The following RNF17 variants were observed in gnomAD, a reference collection of about 807,000 sequenced individuals.
RNF17 encodes ring finger protein 17.
RNF17 carries 31 observed loss-of-function variants against 200.5 expected under a neutral mutation model. The ratio of observed to expected loss-of-function variants is 0.15; its 90% CI spans 0.12 to 0.21. The LOEUF is 0.21. Ranked by LOEUF, RNF17 falls within the 10% of genes least tolerant of loss-of-function variation. The pLI is 1.00. For missense variants in RNF17, 1,628 were observed against 1,905.1 expected (o/e 0.85, Z 2.71); for synonymous variants, 606 against 637.8 (o/e 0.95, Z 0.75).
chr13:24,881,392 T>C (rs1953810041), downstream of RNF17, among the ~76,000 whole-genome samples: 2 of 152,020 alleles, frequency 1.3e-5, no homozygotes, highest in Admixed American at 1.3e-4. Flanking sequence ...CTGCCAACTT[T>C]GGCCTCCCAA....
Position 24,843,893 on chromosome 13 carries a change from T to C in RNF17, c.2753T>C (p.Leu918Ser). 1 of 1,604,028 alleles carries C rather than the reference T, an allele frequency of 6.2e-7. No individual in the cohort carries two copies. Among genetic ancestry groups the C allele is most frequent in the Non-Finnish European group, 8.5e-7 (1 of 1,173,004 alleles). ...TTTCAGTCACTTTATAATAAGGAAT[T>C]GCCTGTGCATATCTGTAATGTAATA... ...ENFQSLYNKELPVHICNVISP... is the reference protein window; with the variant it reads ...ENFQSLYNKESPVHICNVISP... Residue 918 changes from leucine to serine, a missense_variant, in exon 20 of 36, where the codon TTG becomes TCG. Physicochemically the swap from Leu to Ser is moderately radical, Grantham distance 145. Coordinates refer to ENST00000255324, the MANE Select transcript of RNF17 (RefSeq NM_031277.3).
At chr13:24,800,295 C>A (rs1885088155) in intron 12 of RNF17, 71 bp from the exon 13 acceptor site, 1 of 1,060,842 alleles carries the variant, frequency 9.4e-7, no homozygotes, top group Non-Finnish European at 1.3e-6. Context: ...GAAATGCATA[C>A]CTTCTGTGGG....
intron 16 of RNF17, among the ~76,000 whole-genome samples, chr13:24,829,941 A>C (rs780827276): frequency 6.6e-5 from 10 of 152,026 alleles, no homozygotes; most frequent in African/African-American, 9.7e-5. Flanking sequence ...TTGTTTTATC[A>C]CCTATGTTGA....
At chr13:24,824,415 CAAGAT>C (rs1888410984) in intron 15 of RNF17, 4 of 393,274 alleles carry the variant, frequency 1.0e-5, no homozygotes, top group South Asian at 9.6e-5. Context: ...AATGAAATAA[CAAGAT>C]AAGGATTCAG....
intron 34 of RNF17, among the ~76,000 whole-genome samples, 155 bp downstream of exon 34, chr13:24,877,341 T>C (rs1424740100): frequency 6.7e-6 from 1 of 149,910 alleles, no homozygotes; most frequent in Non-Finnish European, 1.5e-5. Context: ...TATATATACA[T>C]ATAAAGCTTA....
chr13:24,874,258 T>C lies in RNF17; in HGVS notation c.4583+9T>C, dbSNP rs1486100708. ...AAGCTGACATTAAACAGGTTAAAAA[T>C]AAATGTCGGGGTGTTGAATTAGATT... On this transcript the variant is annotated intron_variant, in intron 33 of 35. Transcript: ENST00000255324. The C allele has an allele frequency of 6.4e-7, 1 of 1,568,292 alleles. No homozygotes were observed. The highest frequency in any genetic ancestry group is 8.6e-7 in the Non-Finnish European group (1 of 1,163,424).
Position 24,789,427 on chromosome 13 carries a change from A to T in RNF17, c.860+3A>T, listed in dbSNP as rs1883559290. The T allele has an allele frequency of 6.3e-7, 1 of 1,583,056 alleles. No homozygotes were observed. Among genetic ancestry groups the T allele is most frequent in the African/African-American group, 1.3e-5 (1 of 74,428 alleles). On this transcript the variant is annotated splice_donor_region_variant and intron_variant, in intron 8 of 35. Coordinates refer to ENST00000255324, the MANE Select transcript of RNF17 (RefSeq NM_031277.3). ...CCACAACTAAGGAACCCTCCCAGGT[A>T]AGTAAGTCATAGTTCAGGAGACCAT...
intron 15 of RNF17, among the ~76,000 whole-genome samples, chr13:24,822,858 G>A (rs1354503320): frequency 6.6e-6 from 1 of 152,188 alleles, no homozygotes; most frequent in African/African-American, 2.4e-5. Flanking sequence ...GCCCTATTCA[G>A]TCCCTTTTCA....
intron 3 of RNF17, among the ~76,000 whole-genome samples, chr13:24,777,437 G>A (rs555785843): frequency 7.9e-5 from 12 of 152,300 alleles, no homozygotes; most frequent in African/African-American, 2.4e-4. Flanking sequence ...GGTGGCTGAG[G>A]TGGGAGGATC....
chr13:24,763,204 CTTTTT>C (rs11329776), upstream of RNF17, among the ~76,000 whole-genome samples: 1 of 129,168 alleles, frequency 7.7e-6, no homozygotes, highest in African/African-American at 2.8e-5. Flanking sequence ...TGCTTCAACT[CTTTTT>C]TTTTTTTTTT....
At chr13:24,799,906 C>T (rs1260455353) in intron 12 of RNF17, among the ~76,000 whole-genome samples, 1 of 152,100 alleles carries the variant, frequency 6.6e-6, no homozygotes, top group Non-Finnish European at 1.5e-5. Flanking sequence ...AATTTTTAAT[C>T]AGACTTCTGT....
rs550146792 is a variant in RNF17 at position 24,789,889 on chromosome 13, T to G, written c.935+117T>G. The G allele has an allele frequency of 8.6e-5, 57 of 660,110 alleles. No individual in the cohort carries two copies. In the African/African-American group the frequency reaches 8.9e-4, roughly 10 times the overall value. The allele number at this position is 660,110 out of a possible 1,614,324, so 40.9% of individuals were successfully genotyped here. On this transcript the variant is annotated intron_variant, in intron 9 of 35. Transcript: ENST00000255324. ...AAAAGCTGAAAAATAAAGGGCAAAA[T>G]AGTTTCTATAGTTAAATTCTACATA...
intron 23 of RNF17, 35 bp from the exon 24 acceptor site, chr13:24,851,421 T>C (rs778791064): frequency 7.5e-7 from 1 of 1,326,854 alleles, no homozygotes; most frequent in Non-Finnish European, 1.1e-6. Context: ...TTCATTTTGG[T>C]GTTTCATATT....
At chr13:24,764,517 G>A in intron 1 of RNF17, 184 bp downstream of exon 1, 1 of 432,826 alleles carries the variant, frequency 2.3e-6, no homozygotes, top group Non-Finnish European at 3.1e-6. Flanking sequence ...GGTTGGTTAA[G>A]GGCAGCACCT....
intron 25 of RNF17, among the ~76,000 whole-genome samples, chr13:24,854,403 G>C (rs1044832370): frequency 6.6e-6 from 1 of 151,870 alleles, no homozygotes; most frequent in African/African-American, 2.4e-5. Context: ...AAGGAATTTG[G>C]AATTTCCATT....
intron 18 of RNF17, among the ~76,000 whole-genome samples, chr13:24,837,931 A>G (rs922163697): frequency 1.3e-5 from 2 of 152,144 alleles, no homozygotes; most frequent in Admixed American, 6.5e-5. Flanking sequence ...TTGATAGGCC[A>G]TTAGCACGAT....
intron 2 of RNF17, among the ~76,000 whole-genome samples, chr13:24,771,952 C>T (rs562537457): frequency 3.0e-4 from 45 of 151,984 alleles, no homozygotes; most frequent in Non-Finnish European, 5.7e-4. Context: ...TGCAGTGAGC[C>T]GAGATCGCAC....
At position 24,877,108 on chromosome 13, in the gene RNF17, T is replaced by C. The variant is rs766213128; in HGVS notation, c.4695T>C (p.Tyr1565=). The C allele has an allele frequency of 1.2e-6, 2 of 1,613,730 alleles. No homozygotes were observed. Among genetic ancestry groups the C allele is most frequent in the Non-Finnish European group, 1.7e-6 (2 of 1,179,816 alleles). ...ATCTAGGGGAGACAAGAATACCATA[T>C]TGTCCCAAATGGAGCATGGAGGCAC... is the stretch of plus-strand genomic sequence containing the variant. ...LRDLGETRIP[Y]CPKWSMEALW... Residue 1565 remains tyrosine (Y), a synonymous_variant, in exon 34 of 36, where the codon TAT becomes TAC. Coordinates refer to ENST00000255324, the MANE Select transcript of RNF17 (RefSeq NM_031277.3).
Position 24,827,618 on chromosome 13 carries a change from C to T in RNF17, c.2245+1846C>T, listed in dbSNP as rs963254449. On this transcript the variant is annotated intron_variant, in intron 16 of 35. Coordinates refer to ENST00000255324, the MANE Select transcript of RNF17 (RefSeq NM_031277.3). ...TTGGGAGGCTGAGGCAGGAGAATGG[C>T]GTGAACCCGGGAGGCGGAGCTTGCA... Among the ~76,000 whole-genome samples the T allele has an allele frequency of 2.0e-4, 26 of 131,678 alleles. 2 individuals are homozygous for T. Among genetic ancestry groups the T allele is most frequent in the Admixed American group, 6.3e-4 (7 of 11,076 alleles). The allele number at this position is 131,678 out of a possible 152,430, so 86.4% of individuals were successfully genotyped here.
Sources: allele counts gnomAD v4.1 joint callset (sites outside exome capture counted in the v4.1 genomes callset), GRCh38; gene constraint gnomAD v4.1.1; transcripts MANE v1.5; gene names NCBI Gene and HGNC (gene_info 2026-07-23, HGNC 2026-07-21).